EXOC7: variants seen among roughly 807,000 people sequenced by gnomAD.
EXOC7 encodes exocyst complex component 7.
EXOC7 carries 51 observed loss-of-function variants against 87.6 expected under a neutral mutation model. The observed-to-expected ratio is 0.58, with a 90% CI of 0.46 to 0.73. The LOEUF is 0.73. Among genes scored for constraint, EXOC7 ranks in the 30% least tolerant of loss-of-function variants. The probability of loss-of-function intolerance (pLI) is 0.00; values close to 1 mark genes in which losing one functional copy is unlikely to be tolerated. For missense variants in EXOC7, 744 were observed against 888.4 expected (o/e 0.84, Z 2.07); for synonymous variants, 327 against 357.1 (o/e 0.92, Z 0.95).
chr17:76,081,756 G>A lies in EXOC7; in HGVS notation c.*1892C>T, dbSNP rs917888756. 1 of 1,613,940 alleles carries A rather than the reference G, an allele frequency of 6.2e-7. No homozygotes were observed. Among genetic ancestry groups the A allele is most frequent in the Non-Finnish European group, 8.5e-7 (1 of 1,180,008 alleles). ...TCCTCCTCCTGCAACCCACTGCTCA[G>A]TAAGCCCTGCTCCCTTACCCAGTCT... On this transcript the variant is annotated 3_prime_UTR_variant, in exon 19 of 19. Transcript: ENST00000589210.
chr17:76,086,791 C>T (rs2067232045), intron 12 of EXOC7: 10 of 1,469,604 alleles, frequency 6.8e-6, no homozygotes, highest in Non-Finnish European at 8.4e-6. Flanking sequence ...AGTCAGTCCC[C>T]AGGGAACCTC....
Position 76,087,717 on chromosome 17 carries a change from T to C in EXOC7, c.1366A>G (p.Ile456Val). 1 of 1,551,150 alleles carries C rather than the reference T, an allele frequency of 6.4e-7. No homozygotes were observed. The highest frequency in any genetic ancestry group is 8.7e-7 in the Non-Finnish European group (1 of 1,146,974). Residue 456 changes from isoleucine (I) to valine (V), a missense_variant, in exon 12 of 19, where the codon ATC becomes GTC. By Grantham distance (29) the Ile-to-Val change is conservative (BLOSUM62 3). This residue lies in a region of EXOC7 where 228 missense variants were observed against 298.6 expected (regional missense o/e 0.76). Transcript: ENST00000589210. ...TCCAAAAGCTGCTGCAGGAAGAGGA[T>C]GGCCTGGGTGGGAAGAAAACGGTGC... ...GTVHELTSNAILFLQQLLDFQ... is the reference protein window; with the variant it reads ...GTVHELTSNAVLFLQQLLDFQ...
chr17:76,082,936 A>G lies in EXOC7; in HGVS notation c.*712T>C, dbSNP rs1321820218. Reference sequence around the variant, plus strand: ...CTCCCAGCCCACAGGCAGGCAGCCTAATTGCTCCTTCTGCAACCACGACTG... The same window carrying G: ...CTCCCAGCCCACAGGCAGGCAGCCTGATTGCTCCTTCTGCAACCACGACTG... On this transcript the variant is annotated 3_prime_UTR_variant, in exon 19 of 19. Transcript: ENST00000589210. The G allele has an allele frequency of 3.4e-6, 1 of 298,208 alleles. No individual in the cohort carries two copies. The highest frequency in any genetic ancestry group is 6.4e-5 in the East Asian group (1 of 15,686). 18.5% of individuals were successfully genotyped at this position (298,208 alleles called of 1,614,324 possible).
Position 76,083,760 on chromosome 17 carries a change from C to T in EXOC7, c.1953-10G>A. ...GGGCACGCTGCCAAACCTGAGGAGG[C>T]ACTGTGGTCAGGGGACAGGGAGGGC... On this transcript the variant is annotated splice_polypyrimidine_tract_variant and intron_variant, in intron 18 of 18. Transcript: ENST00000589210. 1.9e-6 allele frequency: 3 copies of T among 1,611,414 alleles called. No homozygotes were observed. The highest frequency in any genetic ancestry group is 2.0e-4 in the Middle Eastern group (1 of 5,064).
rs781028095 is a variant in EXOC7, at chr17:76,088,831, G to A, written c.1140C>T (p.Thr380=). Residue 380 remains threonine, a synonymous_variant, in exon 9 of 19, where the codon ACC becomes ACT. Coordinates refer to ENST00000589210, the MANE Select transcript of EXOC7 (RefSeq NM_001013839.4). Reference sequence around the variant, plus strand: ...TGAGGTGTCGCAGGATGGGGAAGACGGTGAGCACCGTGGAGAAGTCGTGTC... The same window carrying A: ...TGAGGTGTCGCAGGATGGGGAAGACAGTGAGCACCGTGGAGAAGTCGTGTC... ...IVRHDFSTVL[T]VFPILRHLKQ... 34 of 1,613,884 alleles carry A rather than the reference G, an allele frequency of 2.1e-5. No individual in the cohort carries two copies. Among genetic ancestry groups the A allele is most frequent in the African/African-American group, 2.7e-5 (2 of 75,032 alleles).
chr17:76,089,270 T>A lies in EXOC7; in HGVS notation c.952A>T (p.Ser318Cys), dbSNP rs374771859. The change falls in exon 8 of 19, where the codon AGT becomes TGT. Residue 318 changes from serine (S) to cysteine (C), a missense_variant. Physicochemically the swap from Ser to Cys is moderately radical, Grantham distance 112. This residue lies in a region of EXOC7 where 512 missense variants were observed against 573.0 expected (regional missense o/e 0.89). Coordinates refer to ENST00000589210, the MANE Select transcript of EXOC7 (RefSeq NM_001013839.4). ...CTCTGCGCCAGCTTGACGAAGGCAC[T>A]GACGCAGTGGATGTAGGCATCGGTC... ...VETDAYIHCV[S>C]AFVKLAQSEY... 6.2e-7 allele frequency: 1 copy of A among 1,614,016 alleles called. No individual in the cohort carries two copies. Among genetic ancestry groups the A allele is most frequent in the African/African-American group, 1.3e-5 (1 of 74,926 alleles).
At position 76,081,487 on chromosome 17, in the gene EXOC7, C is replaced by T. The variant is rs531328918; in HGVS notation, c.*2161G>A. 159 of 1,609,636 alleles carry T rather than the reference C, an allele frequency of 9.9e-5. No individual in the cohort carries two copies. The East Asian group carries it at 3.4e-3, about 34-fold the overall frequency. ...GCACGGCCAGAGGCCAGGCCCCATG[C>T]CCCCGATGCCCACCTCCTTCCCCCC... On this transcript the variant is annotated 3_prime_UTR_variant, in exon 19 of 19. Coordinates refer to ENST00000589210, the MANE Select transcript of EXOC7 (RefSeq NM_001013839.4).
rs1204557244 is a variant in EXOC7, at chr17:76,082,621, GC to G, written c.*1026del. ...CAAGTCTGACGCAGCCCCTGGAGAG[GC>G]TGCACCCCATGGCAGGCGGCCTAGA... is the stretch of plus-strand genomic sequence containing the variant. On this transcript the variant is annotated 3_prime_UTR_variant, in exon 19 of 19. Transcript: ENST00000589210. 1 of 1,613,014 alleles carries G rather than the reference GC, an allele frequency of 6.2e-7. No individual in the cohort carries two copies. The highest frequency in any genetic ancestry group is 8.5e-7 in the Non-Finnish European group (1 of 1,179,724).
intron 4 of EXOC7, among the ~76,000 whole-genome samples, chr17:76,100,422 TTTGTGACCAAAC>T (rs2068001330): frequency 6.6e-6 from 1 of 151,322 alleles, no homozygotes. Flanking sequence ...AGGTCAGAAG[TTTGTGACCAAAC>T]TGGCTAACAT....
At chr17:76,101,140 T>C (rs980960085) in intron 4 of EXOC7, 131 bp downstream of exon 4, 66 of 1,356,598 alleles carry the variant, frequency 4.9e-5, no homozygotes, top group Non-Finnish European at 6.1e-5. Flanking sequence ...CTAATGCCTA[T>C]AGGATGTACT....
chr17:76,086,795 G>T (rs1189093001), intron 12 of EXOC7: 13 of 1,488,252 alleles, frequency 8.7e-6, no homozygotes, highest in Non-Finnish European at 1.1e-5. Flanking sequence ...AGTCCCCAGG[G>T]AACCTCACCC....
chr17:76,088,582 C>G lies in EXOC7; in HGVS notation c.1201-20G>C. ...CGTGCCCTGAGGAAGCACAGGGGAG[C>G]CCCCAGCTCACCTCCAGTCGCTCTG... On this transcript the variant is annotated intron_variant, in intron 9 of 18. Transcript: ENST00000589210. 2 of 1,609,500 alleles carry G rather than the reference C, an allele frequency of 1.2e-6. No individual in the cohort carries two copies. The highest frequency in any genetic ancestry group is 1.7e-4 in the Middle Eastern group (1 of 6,048).
At chr17:76,092,152 C>A (rs1301223347) in intron 6 of EXOC7, among the ~76,000 whole-genome samples, 1 of 152,134 alleles carries the variant, frequency 6.6e-6, no homozygotes, top group Non-Finnish European at 1.5e-5. Context: ...ATGCCTCCCA[C>A]CCCCACAGTC....
chr17:76,087,218 C>T (rs1180844968), intron 12 of EXOC7: 2 of 390,604 alleles, frequency 5.1e-6, no homozygotes, highest in Non-Finnish European at 9.4e-6. Context: ...TACAGGCCAA[C>T]CCCCTGAGCT....
intron 4 of EXOC7, among the ~76,000 whole-genome samples, chr17:76,100,849 C>T (rs1369428047): frequency 3.3e-5 from 5 of 151,634 alleles, no homozygotes; most frequent in Admixed American, 6.6e-5. Flanking sequence ...GGTGCGGTGG[C>T]GAGTGCCTGT....
rs1364752512 is a variant in EXOC7, at chr17:76,085,813, T to C, written c.1496-16A>G. On this transcript the variant is annotated splice_polypyrimidine_tract_variant and intron_variant, in intron 13 of 18. Transcript: ENST00000589210. ...AGCACTTTACCTGCACAGGGAAAAATGGGGCCACACCCACCATGGCAGTCT... is the reference window on the plus strand; with the variant it reads ...AGCACTTTACCTGCACAGGGAAAAACGGGGCCACACCCACCATGGCAGTCT... The C allele has an allele frequency of 1.2e-6, 2 of 1,607,132 alleles. No individual in the cohort carries two copies.
intron 4 of EXOC7, among the ~76,000 whole-genome samples, chr17:76,100,648 T>G (rs1036393585): frequency 6.8e-6 from 1 of 147,294 alleles, no homozygotes; most frequent in Admixed American, 6.7e-5. Context: ...AAAAAAAAAA[T>G]TTATATTATG....
Position 76,081,767 on chromosome 17 carries a change from T to C in EXOC7, c.*1881A>G. 1 of 1,613,928 alleles carries C rather than the reference T, an allele frequency of 6.2e-7. No individual in the cohort carries two copies. ...CAACCCACTGCTCAGTAAGCCCTGC[T>C]CCCTTACCCAGTCTGCCCTGTTTCT... On this transcript the variant is annotated 3_prime_UTR_variant, in exon 19 of 19. Transcript: ENST00000589210.
intron 12 of EXOC7, 26 bp downstream of exon 12, chr17:76,087,628 G>T: frequency 6.5e-7 from 1 of 1,548,938 alleles, no homozygotes. Context: ...AGTGGGGCAG[G>T]GGGCCCAACT....
Sources: allele counts gnomAD v4.1 joint callset (sites outside exome capture counted in the v4.1 genomes callset), GRCh38; gene constraint gnomAD v4.1.1; regional missense constraint gnomAD v4.1.1; transcripts MANE v1.5; gene names NCBI Gene and HGNC (gene_info 2026-07-23, HGNC 2026-07-21).